The following ANKRD44 variants were observed in gnomAD, a reference collection of about 807,000 sequenced individuals.
The protein encoded by ANKRD44 is serine/threonine-protein phosphatase 6 regulatory ankyrin repeat subunit B.
Under a neutral mutation model 116.0 loss-of-function variants are expected in ANKRD44, and 35 were observed. That is an observed-to-expected ratio of 0.30 (90% CI 0.23 to 0.40). The LOEUF (loss-of-function observed/expected upper bound fraction) is 0.40. Among genes scored for constraint, ANKRD44 ranks in the 10% least tolerant of loss-of-function variants. The probability of loss-of-function intolerance (pLI) is 1.00; values close to 1 mark genes in which losing one functional copy is unlikely to be tolerated. For missense variants in ANKRD44, 1,014 were observed against 1,242.6 expected, an observed-to-expected ratio of 0.82 and a Z score of 2.77; for synonymous variants, 435 against 461.8, an observed-to-expected ratio of 0.94 and a Z score of 0.74.
intron 1 of ANKRD44, among the ~76,000 whole-genome samples, chr2:197,301,925 G>C (rs532440817): frequency 6.6e-6 from 1 of 152,338 alleles, no homozygotes; most frequent in African/African-American, 2.4e-5. Flanking sequence ...AATAAAGAAA[G>C]GCAGACAGGA....
At chr2:197,147,782 C>T (rs2125435134) in intron 2 of ANKRD44, 1 of 400,720 alleles carries the variant, frequency 2.5e-6, no homozygotes, top group South Asian at 1.8e-5. Context: ...TCAGATAAAA[C>T]ACCGTATGGG....
At chr2:197,292,025 T>C (rs192856193) in intron 1 of ANKRD44, among the ~76,000 whole-genome samples, 268 of 152,358 alleles carry the variant, frequency 1.8e-3, no homozygotes, top group African/African-American at 6.0e-3. Flanking sequence ...TATGGCTGCA[T>C]AGTATTCTAC....
In ANKRD44 at chr2:197,186,612, C is replaced by CTTTTTTTTTTTTTTTTTTTT. The variant is rs149107038; in HGVS notation, c.111+391_111+410dup. Among the ~76,000 whole-genome samples, 10 of 50,808 alleles carry CTTTTTTTTTTTTTTTTTTTT rather than the reference C, an allele frequency of 2.0e-4. 1 individual carries two copies. Among genetic ancestry groups the CTTTTTTTTTTTTTTTTTTTT allele is most frequent in the Non-Finnish European group, 4.4e-4 (10 of 22,762 alleles). The allele number at this position is 50,808 out of a possible 152,430, so 33.3% of individuals were successfully genotyped here. A position where few individuals can be genotyped will look rare whatever the true frequency, so the allele number is the denominator to read the frequency against. On this transcript the variant is annotated intron_variant, in intron 2 of 27. Coordinates refer to ENST00000282272, the MANE Select transcript of ANKRD44 (RefSeq NM_001195144.2). ...CCATCACTATGCCCGGCTAATTTTT[C>CTTTTTTTTTTTTTTTTTTTT]TTTTTTTTTTTTTTTTTTTTTTTTT...
At position 197,178,010 on chromosome 2, in the gene ANKRD44, T is replaced by C. The variant is rs190645644; in HGVS notation, c.111+9013A>G. ...CCAGATAGCAACAAACATCTTTTTG[T>C]ATATATAGTTAACCAATTATTTCTC... On this transcript the variant is annotated intron_variant, in intron 2 of 27. Coordinates refer to ENST00000282272, the MANE Select transcript of ANKRD44 (RefSeq NM_001195144.2). 2.8e-3 allele frequency among the ~76,000 whole-genome samples: 424 copies of C among 152,330 alleles called. 1 individual carries two copies. The highest frequency in any genetic ancestry group is 9.4e-3 in the African/African-American group (389 of 41,566).
intron 2 of ANKRD44, among the ~76,000 whole-genome samples, chr2:197,156,598 T>C (rs1474527610): frequency 1.3e-5 from 2 of 152,216 alleles, no homozygotes; most frequent in African/African-American, 4.8e-5. Context: ...ATCGTACCCT[T>C]GGGTATTTAC....
At position 197,001,847 on chromosome 2, in the gene ANKRD44, G is replaced by A; in HGVS notation, c.2348-7C>T. The A allele has an allele frequency of 6.2e-7, 1 of 1,600,592 alleles. No homozygotes were observed. Among genetic ancestry groups the A allele is most frequent in the Non-Finnish European group, 8.5e-7 (1 of 1,172,636 alleles). On this transcript the variant is annotated splice_polypyrimidine_tract_variant and splice_region_variant and intron_variant, in intron 21 of 27. Coordinates refer to ENST00000282272, the MANE Select transcript of ANKRD44 (RefSeq NM_001195144.2). ...TCTATACAGTTTTCATTACCTGCAAGAAATAAAAATAATTTAGGGAGTTTC... is the reference window on the plus strand; with the variant it reads ...TCTATACAGTTTTCATTACCTGCAAAAAATAAAAATAATTTAGGGAGTTTC...
intron 17 of ANKRD44, chr2:197,015,561 T>C (rs1574279467): frequency 2.0e-6 from 1 of 511,368 alleles, no homozygotes; most frequent in Non-Finnish European, 3.6e-6. Flanking sequence ...TTATGGGTGG[T>C]AGAGGAAACT....
rs1192616856 is a variant in ANKRD44 at position 197,202,595 on chromosome 2, T to C, written c.28-15489A>G. Among the ~76,000 whole-genome samples, 4 of 151,748 alleles carry C rather than the reference T, an allele frequency of 2.6e-5. No homozygotes were observed. The East Asian group carries it at 7.7e-4, about 29-fold the overall frequency. On this transcript the variant is annotated intron_variant, in intron 1 of 27. Coordinates refer to ENST00000282272, the MANE Select transcript of ANKRD44 (RefSeq NM_001195144.2). ...TTTTTGTTTTTTGTTTGTTTTAAGA[T>C]AGGGTCTTGCTCTGTCCCCCAGGCT... is the stretch of plus-strand genomic sequence containing the variant.
At chr2:197,263,764 G>C (rs995190706) in intron 1 of ANKRD44, among the ~76,000 whole-genome samples, 3 of 149,930 alleles carry the variant, frequency 2.0e-5, no homozygotes, top group African/African-American at 7.4e-5. Flanking sequence ...TCACTATTCC[G>C]GTGTAGCAGA....
rs2075884170 is a variant in ANKRD44, at chr2:196,989,620, G to A, written c.2953C>T (p.Pro985Ser). 6.5e-7 allele frequency: 1 copy of A among 1,550,168 alleles called. No individual in the cohort carries two copies. The highest frequency in any genetic ancestry group is 8.7e-7 in the Non-Finnish European group (1 of 1,146,830). ...TCTTCTTTTTGTACAGCGGTTCCAG[G>A]TGTGGAACGGGGTCCATTTGACCTA... ...ASRSNGPRST[P>S]GTAVQKEE Residue 985 changes from proline (P) to serine (S), a missense_variant, in exon 28 of 28, where the codon CCT (proline) becomes TCT (serine). Pro to Ser is a moderately conservative substitution (Grantham distance 74). Coordinates refer to ENST00000282272, the MANE Select transcript of ANKRD44 (RefSeq NM_001195144.2).
intron 9 of ANKRD44, among the ~76,000 whole-genome samples, chr2:197,107,682 C>A (rs1465188500): frequency 6.6e-6 from 1 of 152,206 alleles, no homozygotes; most frequent in East Asian, 1.9e-4. Context: ...GAACATTCCT[C>A]AGTAGCATGT....
At chr2:197,025,115 T>C in intron 17 of ANKRD44, 81 bp downstream of exon 17, 2 of 1,395,470 alleles carry the variant, frequency 1.4e-6, no homozygotes, top group African/African-American at 1.4e-5. Context: ...TTACTACATT[T>C]ACATTTTAAG....
At chr2:197,227,129 A>G (rs900703513) in intron 1 of ANKRD44, among the ~76,000 whole-genome samples, 1 of 152,192 alleles carries the variant, frequency 6.6e-6, no homozygotes, top group African/African-American at 2.4e-5. Flanking sequence ...TATTGCTTCT[A>G]CCAACCCCTG....
At chr2:197,247,295 G>C (rs941629855) in intron 1 of ANKRD44, among the ~76,000 whole-genome samples, 3 of 152,202 alleles carry the variant, frequency 2.0e-5, no homozygotes, top group African/African-American at 7.2e-5. Context: ...TCCAAGCAAG[G>C]CAGCGCTAAC....
intron 2 of ANKRD44, among the ~76,000 whole-genome samples, chr2:197,164,353 G>A (rs2125512113): frequency 6.6e-6 from 1 of 152,310 alleles, no homozygotes; most frequent in Non-Finnish European, 1.5e-5. Context: ...GGCGGGAGGC[G>A]CAGCTGCGGG....
intron 1 of ANKRD44, chr2:197,198,951 T>A (rs966810686): frequency 6.6e-6 from 1 of 152,264 alleles, no homozygotes; most frequent in African/African-American, 2.4e-5. Context: ...CAGCCCGACA[T>A]CGGCGGAGGA....
chr2:197,118,319 G>C (rs1377966833), intron 8 of ANKRD44, among the ~76,000 whole-genome samples: 1 of 151,994 alleles, frequency 6.6e-6, no homozygotes, highest in Non-Finnish European at 1.5e-5. Context: ...TGGGCGTGGT[G>C]GCTCACACCT....
intron 8 of ANKRD44, among the ~76,000 whole-genome samples, chr2:197,112,386 C>T (rs568058022): frequency 6.6e-6 from 1 of 152,170 alleles, no homozygotes; most frequent in Non-Finnish European, 1.5e-5. Flanking sequence ...GGACTGCCCA[C>T]GTCTGAATCA....
chr2:197,083,409 T>C lies in ANKRD44; in HGVS notation c.1417A>G (p.Thr473Ala), dbSNP rs749666942. Residue 473 changes from threonine to alanine, a missense_variant, in exon 14 of 28, where the codon ACA becomes GCA. Thr to Ala is a moderately conservative substitution (Grantham distance 58). Transcript: ENST00000282272. ...GATGCAGCGGCGTAATGCAAAGCTGTGCGTCCCCAGTCATCTGTTTCATTA... is the reference window on the plus strand; with the variant it reads ...GATGCAGCGGCGTAATGCAAAGCTGCGCGTCCCCAGTCATCTGTTTCATTA... Reference protein sequence around the residue: ...NVNETDDWGRTALHYAAASDM... With the variant: ...NVNETDDWGRAALHYAAASDM... 3 of 1,613,868 alleles carry C rather than the reference T, an allele frequency of 1.9e-6. No individual in the cohort carries two copies. Among genetic ancestry groups the C allele is most frequent in the Admixed American group, 3.3e-5 (2 of 60,016 alleles).
Sources: allele counts gnomAD v4.1 joint callset (sites outside exome capture counted in the v4.1 genomes callset), GRCh38; gene constraint gnomAD v4.1.1; transcripts MANE v1.5; gene names NCBI Gene and HGNC (gene_info 2026-07-23, HGNC 2026-07-21).